The following CRY1 variants were observed in gnomAD, a reference collection of about 807,000 sequenced individuals.
CRY1 encodes cryptochrome-1.
Under a neutral mutation model 76.0 loss-of-function variants are expected in CRY1, and 45 were observed. That is an observed-to-expected ratio of 0.59 (90% CI 0.47 to 0.76). The LOEUF is 0.76. CRY1 is among the 30% of genes least tolerant of loss of function. The pLI is 0.00. For missense variants in CRY1, 587 were observed against 716.4 expected, an observed-to-expected ratio of 0.82 and a Z score of 2.06; for synonymous variants, 248 against 244.0, an observed-to-expected ratio of 1.02 and a Z score of -0.15.
intron 2 of CRY1, among the ~76,000 whole-genome samples, chr12:107,008,731 T>A (rs981072037): frequency 6.6e-6 from 1 of 152,124 alleles, no homozygotes; most frequent in Admixed American, 6.5e-5. Flanking sequence ...GCTCCCATAA[T>A]CCCCACATGT....
Position 106,997,922 on chromosome 12 carries a change from A to T in CRY1, c.1282T>A (p.Tyr428Asn), listed in dbSNP as rs201128230. The change falls in exon 8 of 13, where the codon TAT (tyrosine) becomes AAT (asparagine). Residue 428 changes from tyrosine (Y) to asparagine (N), a missense_variant. Transcript: ENST00000008527. Reference sequence around the variant, plus strand: ...TAATCACCCTTGATTTACCTGATATAGTCTCCATTGGGATCTGTTCTCCTA... The same window carrying T: ...TAATCACCCTTGATTTACCTGATATTGTCTCCATTGGGATCTGTTCTCCTA... ...FGRRTDPNGDYIRRYLPVLRG... is the reference protein window; with the variant it reads ...FGRRTDPNGDNIRRYLPVLRG... 6.2e-7 allele frequency: 1 copy of T among 1,613,642 alleles called. No individual in the cohort carries two copies. The highest frequency in any genetic ancestry group is 1.3e-5 in the African/African-American group (1 of 75,044).
rs749382006 is a variant in CRY1 at position 107,005,265 on chromosome 12, G to A, written c.268-17C>T. On this transcript the variant is annotated splice_polypyrimidine_tract_variant and intron_variant, in intron 2 of 12. Coordinates refer to ENST00000008527, the MANE Select transcript of CRY1 (RefSeq NM_004075.5). ...GTTCCATTCCTAAAGTAAGAGAAAG[G>A]GGAACAATGTACACCAATTGTAATA... The A allele has an allele frequency of 3.1e-6, 5 of 1,600,058 alleles. No homozygotes were observed.
At chr12:106,999,435 A>G (rs1952274959) in intron 7 of CRY1, 116 bp downstream of exon 7, 2 of 919,410 alleles carry the variant, frequency 2.2e-6, no homozygotes, top group Non-Finnish European at 3.2e-6. Flanking sequence ...TAAATGTTTT[A>G]TCCACTGAAA....
chr12:107,081,541 G>A (rs1345825699), intron 1 of CRY1, among the ~76,000 whole-genome samples: 1 of 151,910 alleles, frequency 6.6e-6, no homozygotes, highest in East Asian at 1.9e-4. Flanking sequence ...TCCCCCCACT[G>A]GAATAGGGCA....
intron 1 of CRY1, among the ~76,000 whole-genome samples, chr12:107,077,737 C>T (rs1349513633): frequency 6.6e-6 from 1 of 152,152 alleles, no homozygotes; most frequent in Non-Finnish European, 1.5e-5. Flanking sequence ...TTTTCCTCAG[C>T]CTGTTCAGAA....
intron 10 of CRY1, among the ~76,000 whole-genome samples, chr12:106,993,862 AAACT>A (rs1952205286): frequency 6.6e-6 from 1 of 152,188 alleles, no homozygotes; most frequent in Admixed American, 6.5e-5. Context: ...AGTTAAATAA[AAACT>A]AAAACATATT....
intron 2 of CRY1, among the ~76,000 whole-genome samples, chr12:107,019,735 C>G (rs1294290360): frequency 6.6e-6 from 1 of 151,902 alleles, no homozygotes; most frequent in East Asian, 1.9e-4. Flanking sequence ...TGAGACTAGC[C>G]TGAGCAACAT....
At position 107,011,513 on chromosome 12, in the gene CRY1, C is replaced by G. The variant is rs192879805; in HGVS notation, c.268-6265G>C. Among the ~76,000 whole-genome samples the G allele has an allele frequency of 1.5e-4, 23 of 152,264 alleles. No homozygotes were observed. In the East Asian group the frequency reaches 1.5e-3, roughly 10 times the overall value. ...TGAATCATAAAAAAAAACAAAGCAG[C>G]CTTAATGGCGATATGGAGAAAACTT... On this transcript the variant is annotated intron_variant, in intron 2 of 12. Transcript: ENST00000008527.
rs142682711 is a variant in CRY1 at position 107,016,492 on chromosome 12, C to T, written c.267+5592G>A. Among the ~76,000 whole-genome samples the T allele has an allele frequency of 2.6e-3, 389 of 152,186 alleles. 4 individuals carry two copies. Among genetic ancestry groups the T allele is most frequent in the African/African-American group, 8.7e-3 (362 of 41,502 alleles). On this transcript the variant is annotated intron_variant, in intron 2 of 12. Transcript: ENST00000008527. ...AGAAAGCATTTATTTTTTAAATTGACAGTAAATTAAACAGTATAATTGCAT... is the reference window on the plus strand; with the variant it reads ...AGAAAGCATTTATTTTTTAAATTGATAGTAAATTAAACAGTATAATTGCAT...
intron 1 of CRY1, among the ~76,000 whole-genome samples, chr12:107,082,640 C>T (rs189241962): frequency 7.2e-5 from 11 of 152,108 alleles, no homozygotes; most frequent in African/African-American, 2.6e-4. Flanking sequence ...AGTTCTTTGA[C>T]ACCAATGAGA....
At chr12:107,002,873 T>C (rs1952327346) in intron 3 of CRY1, among the ~76,000 whole-genome samples, 1 of 152,190 alleles carries the variant, frequency 6.6e-6, no homozygotes, top group Admixed American at 6.5e-5. Flanking sequence ...GATCCCTCCT[T>C]GCCTGCTGTC....
chr12:107,058,634 G>C (rs181812315), intron 1 of CRY1, among the ~76,000 whole-genome samples: 1 of 152,274 alleles, frequency 6.6e-6, no homozygotes, highest in Non-Finnish European at 1.5e-5. Flanking sequence ...GTCATGTCAA[G>C]ATAACCTCTT....
At chr12:107,060,763 G>A (rs1953037347) in intron 1 of CRY1, among the ~76,000 whole-genome samples, 1 of 152,118 alleles carries the variant, frequency 6.6e-6, no homozygotes. Context: ...CGGATCACGA[G>A]GTCAGGAGAT....
intron 2 of CRY1, among the ~76,000 whole-genome samples, chr12:107,009,684 G>A (rs927933315): frequency 1.3e-5 from 2 of 149,444 alleles, no homozygotes; most frequent in Non-Finnish European, 3.0e-5. Context: ...CAACATGGGA[G>A]GATGGCTTGA....
chr12:107,012,743 A>G (rs924589873), intron 2 of CRY1, among the ~76,000 whole-genome samples: 2 of 152,220 alleles, frequency 1.3e-5, no homozygotes, highest in African/African-American at 4.8e-5. Flanking sequence ...CAATAAGAAC[A>G]CTTGTGATTC....
At chr12:107,082,242 A>G (rs573215526) in intron 1 of CRY1, among the ~76,000 whole-genome samples, 3 of 152,216 alleles carry the variant, frequency 2.0e-5, no homozygotes, top group African/African-American at 7.2e-5. Context: ...ACTCCCACAC[A>G]ATAATAGTGG....
intron 1 of CRY1, among the ~76,000 whole-genome samples, chr12:107,048,119 C>A (rs549980008): frequency 2.0e-5 from 3 of 150,024 alleles, no homozygotes; most frequent in Non-Finnish European, 3.0e-5. Flanking sequence ...CTTGCTCTGT[C>A]GCCCAGGCTG....
At chr12:107,033,383 C>T (rs1470628517) in intron 1 of CRY1, among the ~76,000 whole-genome samples, 1 of 152,012 alleles carries the variant, frequency 6.6e-6, no homozygotes, top group Non-Finnish European at 1.5e-5. Flanking sequence ...AAAGGATAGA[C>T]AGAAAAGGAA....
chr12:106,992,964 C>A lies in CRY1; in HGVS notation c.1657+1G>T. The stretch of plus-strand genomic sequence containing the variant: ...AGTATGCTCCAATGCTTCATTCTTA[C>A]CTTGCTTCAACAGGTGAGTTTGCTG... On this transcript the variant is annotated splice_donor_variant, in intron 11 of 12. Transcript: ENST00000008527. LOFTEE classifies it high-confidence loss of function. 1.2e-6 allele frequency: 2 copies of A among 1,614,006 alleles called. No homozygotes were observed. The highest frequency in any genetic ancestry group is 1.7e-6 in the Non-Finnish European group (2 of 1,179,926).
Sources: allele counts gnomAD v4.1 joint callset (sites outside exome capture counted in the v4.1 genomes callset), GRCh38; gene constraint gnomAD v4.1.1; transcripts MANE v1.5; gene names NCBI Gene and HGNC (gene_info 2026-07-23, HGNC 2026-07-21).